SMARCAD1: variants seen among roughly 807,000 people sequenced by gnomAD.
SMARCAD1 encodes SWI/SNF-related matrix-associated actin-dependent regulator of chromatin subfamily A containing DEAD/H box 1.
SMARCAD1 carries 25 observed loss-of-function variants against 127.1 expected under a neutral mutation model. The ratio of observed to expected loss-of-function variants is 0.20; its 90% CI spans 0.14 to 0.27. SMARCAD1 has a LOEUF of 0.27. SMARCAD1 is among the 10% of genes least tolerant of loss of function. SMARCAD1 has a pLI of 1.00. For missense variants in SMARCAD1, 807 were observed against 1,206.0 expected, an observed-to-expected ratio of 0.67 and a Z score of 4.90; for synonymous variants, 400 against 396.9, an observed-to-expected ratio of 1.01 and a Z score of -0.09.
chr4:94,226,195 A>G lies in SMARCAD1; in HGVS notation c.267A>G (p.Ile89Met). ...SISYFKNQRG[I>M]QYIDLSSDSE... ...CATATTTCAAAAATCAAAGAGGAAT[A>G]CAGTATATTGATTTGTCTTCTGATA... Residue 89 changes from isoleucine to methionine, a missense_variant, in exon 3 of 24, where the codon ATA (isoleucine) becomes ATG (methionine). By Grantham distance (10) the Ile-to-Met change is conservative. This residue lies in a region of SMARCAD1 where 175 missense variants were observed against 169.5 expected (regional missense o/e 1.03). Transcript: ENST00000354268. The G allele has an allele frequency of 6.2e-7, 1 of 1,612,332 alleles. No homozygotes were observed. The highest frequency in any genetic ancestry group is 8.5e-7 in the Non-Finnish European group (1 of 1,178,492).
chr4:94,260,030 C>T (rs965372170), intron 9 of SMARCAD1, among the ~76,000 whole-genome samples: 52 of 151,902 alleles, frequency 3.4e-4, no homozygotes, highest in African/African-American at 1.0e-3. Context: ...TTCCTCATCC[C>T]TCTCTCTCTC....
chr4:94,219,519 G>T (rs1226904395), intron 2 of SMARCAD1, among the ~76,000 whole-genome samples: 1 of 151,872 alleles, frequency 6.6e-6, no homozygotes, highest in Non-Finnish European at 1.5e-5. Flanking sequence ...ATACGAGAAC[G>T]GGTAAAGGGT....
At chr4:94,216,585 GA>G (rs1743232777) in intron 2 of SMARCAD1, among the ~76,000 whole-genome samples, 1 of 152,040 alleles carries the variant, frequency 6.6e-6, no homozygotes, top group South Asian at 2.1e-4. Context: ...TTGTGAAACT[GA>G]AACTCTTTAT....
Position 94,252,714 on chromosome 4 carries a change from CAG to C in SMARCAD1, c.990_991del (p.Lys331IlefsTer10). The C allele has an allele frequency of 6.3e-7, 1 of 1,593,630 alleles. No homozygotes were observed. The highest frequency in any genetic ancestry group is 8.5e-7 in the Non-Finnish European group (1 of 1,171,486). On this transcript the variant is annotated frameshift_variant, in exon 9 of 24. Coordinates refer to ENST00000354268, the MANE Select transcript of SMARCAD1 (RefSeq NM_020159.5). LOFTEE classifies it high-confidence loss of function. ...AAATGCAACTAAAACAAAACTAAAA[CAG>C]AAATTTTCAATGAAAGCACAAAATG... ...PKNATKTKLK[Q>X]KFSMKAQNGF...
intron 3 of SMARCAD1, among the ~76,000 whole-genome samples, chr4:94,230,213 C>T (rs1376837720): frequency 2.6e-5 from 4 of 151,688 alleles, no homozygotes; most frequent in Non-Finnish European, 5.9e-5. Flanking sequence ...CCCTTACTCT[C>T]TTTCTGTCCC....
chr4:94,243,368 T>A (rs1210744663), intron 6 of SMARCAD1, among the ~76,000 whole-genome samples: 1 of 152,216 alleles, frequency 6.6e-6, no homozygotes. Flanking sequence ...CTCTTGAACC[T>A]ACTCAAGTCC....
chr4:94,226,528 T>G (rs1408915511), intron 3 of SMARCAD1, among the ~76,000 whole-genome samples: 2 of 122,056 alleles, frequency 1.6e-5, no homozygotes, highest in African/African-American at 6.5e-5. Context: ...TTTTTTTTTT[T>G]GATAACAGTG....
intron 2 of SMARCAD1, among the ~76,000 whole-genome samples, chr4:94,218,545 G>A (rs1386354524): frequency 6.6e-6 from 1 of 151,870 alleles, no homozygotes; most frequent in East Asian, 1.9e-4. Flanking sequence ...CACCTGCCTT[G>A]GCCTCCCAAA....
chr4:94,221,729 A>G (rs1744167446), intron 2 of SMARCAD1, among the ~76,000 whole-genome samples: 1 of 152,178 alleles, frequency 6.6e-6, no homozygotes, highest in African/African-American at 2.4e-5. Flanking sequence ...ACTCCCGTTT[A>G]GCTCTTATAT....
At chr4:94,266,401 A>G (rs925008201) in intron 10 of SMARCAD1, among the ~76,000 whole-genome samples, 10 of 152,124 alleles carry the variant, frequency 6.6e-5, no homozygotes, top group African/African-American at 2.4e-4. Flanking sequence ...GATTTTTTAA[A>G]TGAAATACTT....
chr4:94,226,407 T>C, intron 3 of SMARCAD1, 111 bp downstream of exon 3: 1 of 858,162 alleles, frequency 1.2e-6, no homozygotes, highest in Non-Finnish European at 1.8e-6. Context: ...TTTTTCTTTT[T>C]TTTTTTTGCC....
At chr4:94,283,432 T>G (rs1579365012) in intron 22 of SMARCAD1, 129 bp downstream of exon 22, 1 of 797,818 alleles carries the variant, frequency 1.3e-6, no homozygotes, top group East Asian at 2.7e-5. Context: ...ACTGATGTAT[T>G]TTATACCAGC....
At chr4:94,279,106 G>A (rs1753672759) in intron 19 of SMARCAD1, 56 bp downstream of exon 19, 1 of 1,609,550 alleles carries the variant, frequency 6.2e-7, no homozygotes. Flanking sequence ...AAGTTGTTAG[G>A]CTATAAGATT....
At chr4:94,270,003 A>G (rs1752314858) in intron 10 of SMARCAD1, among the ~76,000 whole-genome samples, 1 of 151,836 alleles carries the variant, frequency 6.6e-6, no homozygotes, top group Non-Finnish European at 1.5e-5. Flanking sequence ...CTTTCCAAAC[A>G]ATTCATTCTC....
rs972396852 is a variant in SMARCAD1 at position 94,290,334 on chromosome 4, G to A, written c.*800G>A. ...TTGCTTCTCTTGAAACTGTTGCCCA[G>A]TCACTTCTGCTCCAATTCTCTTCCT... On this transcript the variant is annotated 3_prime_UTR_variant, in exon 24 of 24. Transcript: ENST00000354268. 2.2e-6 allele frequency: 1 copy of A among 454,290 alleles called. No individual in the cohort carries two copies. Among genetic ancestry groups the A allele is most frequent in the Non-Finnish European group, 4.4e-6 (1 of 226,756 alleles). 28.1% of individuals were successfully genotyped at this position (454,290 alleles called of 1,614,324 possible).
intron 4 of SMARCAD1, 42 bp downstream of exon 4, chr4:94,234,164 C>T: frequency 6.5e-7 from 1 of 1,530,930 alleles, no homozygotes; most frequent in Non-Finnish European, 8.9e-7. Flanking sequence ...ATGATAAAAT[C>T]TCTCCTGCAT....
chr4:94,225,849 G>T lies in SMARCAD1; in HGVS notation c.191-270G>T, dbSNP rs1481877586. Among the ~76,000 whole-genome samples the T allele has an allele frequency of 2.0e-5, 3 of 152,128 alleles. No individual in the cohort carries two copies. The East Asian group carries it at 5.8e-4, about 29-fold the overall frequency. On this transcript the variant is annotated intron_variant, in intron 2 of 23. Transcript: ENST00000354268. ...AAAACCTAAGTGCTACAAAGTAAAA[G>T]TACAAGAGGAAAGTATTAGAATATA...
intron 2 of SMARCAD1, 51 bp from the exon 3 acceptor site, chr4:94,226,068 A>AT (rs758157696): frequency 9.1e-6 from 13 of 1,423,972 alleles, no homozygotes; most frequent in Non-Finnish European, 1.2e-5. Context: ...CTAACAACAG[A>AT]TTCGTTTTCC....
intron 3 of SMARCAD1, 73 bp from the exon 4 acceptor site, chr4:94,233,881 A>C: frequency 6.8e-7 from 1 of 1,464,118 alleles, no homozygotes; most frequent in East Asian, 2.4e-5. Flanking sequence ...CTATGTATAC[A>C]CATAGACACT....
Sources: gnomAD v4.1 joint callset for allele counts (sites outside exome capture counted in the v4.1 genomes callset) on GRCh38, gnomAD v4.1.1 for gene constraint, gnomAD v4.1.1 regional missense constraint, MANE v1.5 for transcripts, NCBI Gene and HGNC (gene_info 2026-07-23, HGNC 2026-07-21) for gene names.